Variants in EDC3 observed in about 807,000 individuals in gnomAD.
EDC3 encodes the protein enhancer of mRNA decapping 3.
In EDC3, 20 loss-of-function variants were observed where a neutral mutation model predicts 41.8. The observed-to-expected ratio is 0.48, with a 90% CI of 0.34 to 0.70. The LOEUF is 0.70. EDC3 is among the 30% of genes least tolerant of loss of function. EDC3 has a pLI of 0.01. For missense variants in EDC3, 444 were observed against 636.8 expected (o/e 0.70, Z 3.26); for synonymous variants, 206 against 243.2 (o/e 0.85, Z 1.42).
intron 6 of EDC3, among the ~76,000 whole-genome samples, chr15:74,634,301 C>T (rs1022733172): frequency 6.6e-6 from 1 of 152,184 alleles, no homozygotes; most frequent in Non-Finnish European, 1.5e-5. Context: ...TTCTTCCTCC[C>T]TCACTGACCA....
At chr15:74,637,803 A>T (rs1414059697) in intron 5 of EDC3, 1 of 152,224 alleles carries the variant, frequency 6.6e-6, no homozygotes, top group Non-Finnish European at 1.5e-5. Context: ...CTGGAAGCAC[A>T]AGCCAAGGAC....
chr15:74,679,573 T>C (rs2062845319), intron 1 of EDC3, among the ~76,000 whole-genome samples: 1 of 151,876 alleles, frequency 6.6e-6, no homozygotes, highest in Admixed American at 6.6e-5. Flanking sequence ...TACAGAATAC[T>C]ATCCCCCATG....
chr15:74,669,343 CAAAAAAAA>C (rs59652636), intron 3 of EDC3, among the ~76,000 whole-genome samples: 4 of 95,896 alleles, frequency 4.2e-5, no homozygotes, highest in Admixed American at 3.1e-4. Context: ...AACTCTGTCT[CAAAAAAAA>C]AAAAAAAAAA....
At chr15:74,685,974 C>T (rs546662663) in intron 1 of EDC3, among the ~76,000 whole-genome samples, 1 of 152,264 alleles carries the variant, frequency 6.6e-6, no homozygotes, top group Admixed American at 6.5e-5. Flanking sequence ...AGGTGGATCA[C>T]ATGAGGTCAG....
chr15:74,684,957 C>T (rs2062918866), intron 1 of EDC3, among the ~76,000 whole-genome samples: 2 of 152,214 alleles, frequency 1.3e-5, no homozygotes, highest in East Asian at 1.9e-4. Flanking sequence ...CCTGCCTTTC[C>T]GACATCTGGT....
At chr15:74,670,738 G>A (rs2062729622) in intron 3 of EDC3, among the ~76,000 whole-genome samples, 1 of 152,090 alleles carries the variant, frequency 6.6e-6, no homozygotes, top group Admixed American at 6.6e-5. Flanking sequence ...TCACAACTAT[G>A]GTTTTATAAT....
At chr15:74,651,579 G>A (rs772300103) in intron 4 of EDC3, among the ~76,000 whole-genome samples, 13 of 152,204 alleles carry the variant, frequency 8.5e-5, no homozygotes, top group Non-Finnish European at 1.5e-4. Flanking sequence ...GCAGCAAGCT[G>A]TCAGAATCCT....
intron 1 of EDC3, among the ~76,000 whole-genome samples, chr15:74,678,100 G>C (rs2062826755): frequency 6.6e-6 from 1 of 151,906 alleles, no homozygotes; most frequent in Admixed American, 6.6e-5. Flanking sequence ...TAGTGGGGTG[G>C]GGGTGGGAGG....
At chr15:74,634,421 C>A (rs2062246619) in intron 6 of EDC3, among the ~76,000 whole-genome samples, 2 of 152,214 alleles carry the variant, frequency 1.3e-5, no homozygotes, top group Admixed American at 1.3e-4. Flanking sequence ...CATATCCAGG[C>A]TCCTCATGGC....
intron 2 of EDC3, 164 bp downstream of exon 2, chr15:74,674,797 T>G (rs2062783223): frequency 1.3e-6 from 1 of 762,390 alleles, no homozygotes; most frequent in South Asian, 1.8e-5. Context: ...GGCAGATTAC[T>G]TGAGGCCAGT....
chr15:74,683,256 C>A (rs140397851), intron 1 of EDC3, among the ~76,000 whole-genome samples: 89 of 151,376 alleles, frequency 5.9e-4, no homozygotes, highest in African/African-American at 2.0e-3. Context: ...AGAACAGGGC[C>A]GGGCACAGTG....
intron 3 of EDC3, among the ~76,000 whole-genome samples, chr15:74,661,638 C>G (rs1161404292): frequency 6.7e-6 from 1 of 148,938 alleles, no homozygotes; most frequent in African/African-American, 2.5e-5. Context: ...GGCTGAGGCA[C>G]GAGAATCGCT....
At chr15:74,679,583 G>T (rs1455205818) in intron 1 of EDC3, among the ~76,000 whole-genome samples, 1 of 151,886 alleles carries the variant, frequency 6.6e-6, no homozygotes, top group African/African-American at 2.4e-5. Context: ...TATCCCCCAT[G>T]AATGTAAACA....
intron 1 of EDC3, among the ~76,000 whole-genome samples, chr15:74,680,950 T>G (rs1023871078): frequency 6.6e-6 from 1 of 152,108 alleles, no homozygotes; most frequent in African/African-American, 2.4e-5. Context: ...CTGAAAACTA[T>G]GCAACACTGA....
chr15:74,666,594 AG>A (rs2062678997), intron 3 of EDC3, among the ~76,000 whole-genome samples: 1 of 152,234 alleles, frequency 6.6e-6, no homozygotes, highest in South Asian at 2.1e-4. Flanking sequence ...CAGTCTGAAA[AG>A]GGCTACATAC....
At chr15:74,650,109 T>G (rs547136632) in intron 4 of EDC3, among the ~76,000 whole-genome samples, 49 of 152,324 alleles carry the variant, frequency 3.2e-4, no homozygotes, top group African/African-American at 1.1e-3. Flanking sequence ...TGAGCATGAC[T>G]GGTCCTGCTC....
chr15:74,651,935 T>C (rs1187378951), intron 4 of EDC3, among the ~76,000 whole-genome samples: 3 of 152,204 alleles, frequency 2.0e-5, no homozygotes, highest in Admixed American at 6.5e-5. Flanking sequence ...TACACTAGCC[T>C]ACAGTTGGGC....
In EDC3 at chr15:74,684,084, G is replaced by GTTT. The variant is rs58548595; in HGVS notation, c.-18-8945_-18-8943dup. Among the ~76,000 whole-genome samples, 124 of 103,034 alleles carry GTTT rather than the reference G, an allele frequency of 1.2e-3. 1 individual carries two copies. The highest frequency in any genetic ancestry group is 3.6e-3 in the African/African-American group (98 of 27,028). 67.6% of individuals were successfully genotyped at this position (103,034 alleles called of 152,430 possible). ...TTATATATTTTGGTTTTTTGTTTCT[G>GTTT]TTTTTTTTTTTTTTTTTTTTGGCTC... On this transcript the variant is annotated intron_variant, in intron 1 of 6. Transcript: ENST00000315127.
chr15:74,671,990 G>A lies in EDC3; in HGVS notation c.165-216C>T, dbSNP rs183904419. On this transcript the variant is annotated intron_variant, in intron 2 of 6. Transcript: ENST00000315127. The surrounding 1 kb of genome is among the most constrained non-coding windows in gnomAD (Gnocchi z 4.6). The stretch of plus-strand genomic sequence containing the variant: ...TAAAAAGAGGCTATTGGCCGGGCAC[G>A]GTGGCTCACGCCTGTAATCCCAGCA... Among the ~76,000 whole-genome samples, 576 of 152,122 alleles carry A rather than the reference G, an allele frequency of 3.8e-3. 2 individuals are homozygous for A. The highest frequency in any genetic ancestry group is 0.013 in the African/African-American group (542 of 41,516).
Sources: allele counts gnomAD v4.1 joint callset (sites outside exome capture counted in the v4.1 genomes callset), GRCh38; gene constraint gnomAD v4.1.1; non-coding constraint Gnocchi (gnomAD v3.1); transcripts MANE v1.5; gene names NCBI Gene and HGNC (gene_info 2026-07-23, HGNC 2026-07-21).